LRBA: variants seen among roughly 807,000 people sequenced by gnomAD.
The protein encoded by LRBA is lipopolysaccharide-responsive and beige-like anchor protein.
LRBA carries 176 observed loss-of-function variants against 330.0 expected under a neutral mutation model. The observed-to-expected ratio is 0.53, with a 90% confidence interval of 0.47 to 0.60. The LOEUF (loss-of-function observed/expected upper bound fraction) is 0.60, where lower values mean the gene tolerates loss of function less well. LRBA is among the 20% of genes least tolerant of loss of function. LRBA has a pLI of 0.00. For synonymous variants in LRBA, 1,230 were observed against 1,193.0 expected, an observed-to-expected ratio of 1.03 and a Z score of -0.64; for missense variants, 3,259 against 3,444.8, an observed-to-expected ratio of 0.95 and a Z score of 1.35.
intron 31 of LRBA, among the ~76,000 whole-genome samples, chr4:150,816,405 C>A (rs553860657): frequency 6.6e-6 from 1 of 151,940 alleles, no homozygotes; most frequent in Admixed American, 6.6e-5. Context: ...TTTAATACTG[C>A]ACATTCTTCA....
At chr4:150,551,551 T>C (rs1160536997) in intron 40 of LRBA, among the ~76,000 whole-genome samples, 4 of 151,888 alleles carry the variant, frequency 2.6e-5, no homozygotes, top group Non-Finnish European at 4.4e-5. Flanking sequence ...TGGTGGAACA[T>C]GCCTGTAGTC....
chr4:150,997,995 C>G (rs1295905139), intron 2 of LRBA, among the ~76,000 whole-genome samples: 2 of 152,126 alleles, frequency 1.3e-5, no homozygotes, highest in African/African-American at 4.8e-5. Flanking sequence ...TGAGCCACTG[C>G]ACCTGGCCAA....
chr4:150,918,102 A>T (rs543553170), intron 5 of LRBA, among the ~76,000 whole-genome samples: 7 of 152,330 alleles, frequency 4.6e-5, no homozygotes, highest in African/African-American at 1.7e-4. Flanking sequence ...GACAAAAGAA[A>T]AAAATATATA....
chr4:150,324,932 T>C (rs1733036434), intron 49 of LRBA, among the ~76,000 whole-genome samples: 1 of 152,146 alleles, frequency 6.6e-6, no homozygotes, highest in Non-Finnish European at 1.5e-5. Flanking sequence ...TTGAAGAATT[T>C]TCCCCCTGAA....
intron 43 of LRBA, 87 bp downstream of exon 43, chr4:150,471,537 G>A: frequency 1.4e-6 from 1 of 721,000 alleles, no homozygotes; most frequent in Non-Finnish European, 2.3e-6. Context: ...AATAAAACAA[G>A]CTAGTTATAC....
chr4:150,553,500 C>T (rs1035656270), intron 40 of LRBA, among the ~76,000 whole-genome samples: 1 of 152,094 alleles, frequency 6.6e-6, no homozygotes, highest in South Asian at 2.1e-4. Context: ...TCACCTGGCA[C>T]TCCTCTCCTG....
At chr4:150,630,222 C>T (rs1172000771) in intron 37 of LRBA, among the ~76,000 whole-genome samples, 1 of 152,108 alleles carries the variant, frequency 6.6e-6, no homozygotes, top group African/African-American at 2.4e-5. Flanking sequence ...ATTATAACAC[C>T]TATGATTTCA....
At chr4:150,606,236 G>A (rs1352924264) in intron 37 of LRBA, among the ~76,000 whole-genome samples, 1 of 152,016 alleles carries the variant, frequency 6.6e-6, no homozygotes, top group Non-Finnish European at 1.5e-5. Context: ...CAGGGATTGA[G>A]TAAAGTTATG....
intron 2 of LRBA, among the ~76,000 whole-genome samples, chr4:150,964,222 G>A (rs1474028474): frequency 6.8e-6 from 1 of 147,500 alleles, no homozygotes; most frequent in East Asian, 2.0e-4. Flanking sequence ...CCCTCTGCCC[G>A]GCCGCCACCC....
chr4:150,627,835 A>T (rs1777003930), intron 37 of LRBA, among the ~76,000 whole-genome samples: 1 of 152,094 alleles, frequency 6.6e-6, no homozygotes, highest in Non-Finnish European at 1.5e-5. Context: ...CTAAGGAATA[A>T]AACATTCAGT....
intron 46 of LRBA, among the ~76,000 whole-genome samples, chr4:150,429,604 C>T (rs924365027): frequency 2.0e-5 from 3 of 151,934 alleles, no homozygotes; most frequent in Non-Finnish European, 1.5e-5. Flanking sequence ...ATGGAGATGT[C>T]GAGGAGGGAG....
rs1338738402 is a variant in LRBA at position 150,590,431 on chromosome 4, T to C, written c.6193+282A>G. Among the ~76,000 whole-genome samples, 4 of 151,868 alleles carry C rather than the reference T, an allele frequency of 2.6e-5. No homozygotes were observed. In the East Asian group the frequency reaches 7.7e-4, roughly 29 times the overall value. On this transcript the variant is annotated intron_variant, in intron 39 of 56. Coordinates refer to ENST00000651943, the MANE Select transcript of LRBA (RefSeq NM_001364905.1). Reference sequence around the variant, plus strand: ...CTTTACAGAGATTTGGTAACTCCTATGGGATGGGTGAAGTAATTTTGTTCT... The same window carrying C: ...CTTTACAGAGATTTGGTAACTCCTACGGGATGGGTGAAGTAATTTTGTTCT...
At chr4:150,445,365 CTCTCTCTCTCTCTATATA>C (rs1752459760) in intron 44 of LRBA, among the ~76,000 whole-genome samples, 1 of 74,158 alleles carries the variant, frequency 1.3e-5, no homozygotes, top group East Asian at 4.9e-4. Flanking sequence ...CTCTCTCTCT[CTCTCTCTCTCTCTATATA>C]TATATATATA....
chr4:150,844,624 T>C (rs539546871), intron 27 of LRBA, 34 bp downstream of exon 27: 4 of 1,565,574 alleles, frequency 2.6e-6, no homozygotes, highest in South Asian at 1.2e-5. Flanking sequence ...AATAGGAGTA[T>C]GCTTTTTGAA....
intron 35 of LRBA, among the ~76,000 whole-genome samples, chr4:150,759,414 C>T (rs1314138670): frequency 6.6e-6 from 1 of 152,186 alleles, no homozygotes; most frequent in African/African-American, 2.4e-5. Context: ...TCCTCAAATA[C>T]ACCACAGAAG....
At chr4:150,910,500 G>C (rs1176953369) in intron 9 of LRBA, among the ~76,000 whole-genome samples, 1 of 151,970 alleles carries the variant, frequency 6.6e-6, no homozygotes, top group African/African-American at 2.4e-5. Context: ...GTTTATTTCC[G>C]GACACTCTAT....
intron 37 of LRBA, among the ~76,000 whole-genome samples, chr4:150,658,133 G>C (rs1054583392): frequency 3.3e-5 from 5 of 151,908 alleles, no homozygotes; most frequent in African/African-American, 9.7e-5. Flanking sequence ...CCTGACGATC[G>C]ATACTCCACA....
At chr4:150,603,719 C>T (rs902960162) in intron 37 of LRBA, among the ~76,000 whole-genome samples, 1 of 152,050 alleles carries the variant, frequency 6.6e-6, no homozygotes, top group East Asian at 1.9e-4. Context: ...AGGCTGGTTT[C>T]GAACTCTTGG....
At chr4:150,917,500 A>G (rs953240535) in intron 5 of LRBA, among the ~76,000 whole-genome samples, 2 of 152,206 alleles carry the variant, frequency 1.3e-5, no homozygotes, top group Non-Finnish European at 2.9e-5. Flanking sequence ...ATAAAACTGA[A>G]GAGGATTAGT....
Sources: allele counts gnomAD v4.1 joint callset (sites outside exome capture counted in the v4.1 genomes callset), GRCh38; gene constraint gnomAD v4.1.1; transcripts MANE v1.5; gene names NCBI Gene and HGNC (gene_info 2026-07-23, HGNC 2026-07-21).